AP3B1: variants seen among roughly 807,000 people sequenced by gnomAD.
The protein encoded by AP3B1 is adaptor related protein complex 3 subunit beta 1, also known as AP-3 complex subunit beta-1.
A neutral mutation model predicts 132.5 loss-of-function variants in AP3B1; 61 were observed. The observed-to-expected ratio is 0.46, with a 90% CI of 0.37 to 0.57. AP3B1 has a LOEUF of 0.57. AP3B1 is among the 20% of genes least tolerant of loss of function. AP3B1 has a pLI of 0.00. For missense variants in AP3B1, 1,120 were observed against 1,289.4 expected, an observed-to-expected ratio of 0.87 and a Z score of 2.01; for synonymous variants, 388 against 438.3, an observed-to-expected ratio of 0.89 and a Z score of 1.43.
At chr5:78,190,275 T>C (rs1744774740) in intron 7 of AP3B1, among the ~76,000 whole-genome samples, 1 of 152,196 alleles carries the variant, frequency 6.6e-6, no homozygotes, top group Non-Finnish European at 1.5e-5. Flanking sequence ...TCTACTGCCA[T>C]GAGAACATCA....
chr5:78,111,325 T>C (rs1014450104), intron 19 of AP3B1, among the ~76,000 whole-genome samples: 1 of 152,192 alleles, frequency 6.6e-6, no homozygotes, highest in Non-Finnish European at 1.5e-5. Context: ...TCAACAAATA[T>C]TTATTAATTA....
At chr5:78,129,742 G>A (rs1447622792) in intron 15 of AP3B1, among the ~76,000 whole-genome samples, 1 of 152,126 alleles carries the variant, frequency 6.6e-6, no homozygotes, top group East Asian at 1.9e-4. Context: ...CCTGAGGTGT[G>A]TTTTATGAAG....
intron 7 of AP3B1, among the ~76,000 whole-genome samples, chr5:78,191,354 C>CAAAAAAAAAAAAAA (rs34733864): frequency 1.4e-4 from 10 of 72,846 alleles, no homozygotes; most frequent in African/African-American, 5.4e-4. Flanking sequence ...TGCTTTTCCC[C>CAAAAAAAAAAAAAA]AAAAAAAAAA....
intron 22 of AP3B1, among the ~76,000 whole-genome samples, chr5:78,075,389 G>GT (rs1554063050): frequency 6.6e-6 from 1 of 152,010 alleles, no homozygotes; most frequent in Non-Finnish European, 1.5e-5. Flanking sequence ...TCTTATTATT[G>GT]TTTTAAAACC....
intron 17 of AP3B1, among the ~76,000 whole-genome samples, chr5:78,116,815 C>T (rs1164255781): frequency 6.6e-6 from 1 of 152,052 alleles, no homozygotes; most frequent in East Asian, 1.9e-4. Flanking sequence ...GCTTCTACTG[C>T]CCCTCCACCC....
At chr5:78,256,919 C>T (rs1327694851) in intron 2 of AP3B1, among the ~76,000 whole-genome samples, 1 of 151,988 alleles carries the variant, frequency 6.6e-6, no homozygotes, top group Non-Finnish European at 1.5e-5. Flanking sequence ...CAATAAAAAC[C>T]ATATGATCAT....
chr5:78,034,578 A>G (rs1003062090), intron 23 of AP3B1, 133 bp from the exon 24 acceptor site: 3 of 716,842 alleles, frequency 4.2e-6, no homozygotes, highest in South Asian at 1.6e-5. Flanking sequence ...AAAATTTCAA[A>G]CTAAGAATAT....
intron 7 of AP3B1, among the ~76,000 whole-genome samples, chr5:78,213,054 T>C (rs1299222738): frequency 2.6e-5 from 4 of 151,918 alleles, no homozygotes; most frequent in African/African-American, 9.7e-5. Context: ...ATTTTTTTTG[T>C]ATTTTTAGTA....
intron 15 of AP3B1, among the ~76,000 whole-genome samples, chr5:78,134,244 T>G (rs1026289231): frequency 6.6e-6 from 1 of 151,846 alleles, no homozygotes; most frequent in Non-Finnish European, 1.5e-5. Flanking sequence ...ATAGCTTTCT[T>G]CTAATAGATT....
intron 2 of AP3B1, among the ~76,000 whole-genome samples, chr5:78,249,095 CTG>C (rs2112532654): frequency 6.6e-6 from 1 of 152,246 alleles, no homozygotes; most frequent in African/African-American, 2.4e-5. Flanking sequence ...TGGCTCATGT[CTG>C]TAATCCCAGC....
chr5:78,090,879 C>T (rs2112205085), intron 21 of AP3B1, among the ~76,000 whole-genome samples: 1 of 151,982 alleles, frequency 6.6e-6, no homozygotes, highest in African/African-American at 2.4e-5. Flanking sequence ...CGGTGCAATC[C>T]CTTCCTGGGC....
intron 18 of AP3B1, among the ~76,000 whole-genome samples, chr5:78,115,789 T>C (rs944042007): frequency 2.0e-5 from 3 of 152,190 alleles, no homozygotes; most frequent in Non-Finnish European, 4.4e-5. Flanking sequence ...AAAGTTACTT[T>C]TAAAGACCCC....
chr5:78,040,763 T>G lies in AP3B1; in HGVS notation c.2578-1489A>C, dbSNP rs193233257. Among the ~76,000 whole-genome samples, 3 of 152,284 alleles carry G rather than the reference T, an allele frequency of 2.0e-5. No individual in the cohort carries two copies. In the East Asian group the frequency reaches 5.8e-4, roughly 29 times the overall value. On this transcript the variant is annotated intron_variant, in intron 22 of 26. Transcript: ENST00000255194. ...CTCCCAACTAGATTCTCTATTATAGTTCTGAGAGTATATATCAACCTATTA... is the reference window on the plus strand; with the variant it reads ...CTCCCAACTAGATTCTCTATTATAGGTCTGAGAGTATATATCAACCTATTA...
At chr5:78,238,953 G>A (rs1271048666) in intron 3 of AP3B1, among the ~76,000 whole-genome samples, 4 of 149,700 alleles carry the variant, frequency 2.7e-5, no homozygotes, top group Admixed American at 6.7e-5. Flanking sequence ...AAACAGACAA[G>A]CTGAAAGCAA....
chr5:78,236,694 G>GT (rs944658843), intron 3 of AP3B1, among the ~76,000 whole-genome samples: 1 of 152,102 alleles, frequency 6.6e-6, no homozygotes, highest in Non-Finnish European at 1.5e-5. Context: ...GGTCAGACAG[G>GT]TTTTTTTAAT....
intron 3 of AP3B1, among the ~76,000 whole-genome samples, chr5:78,237,354 A>G (rs1230133998): frequency 6.6e-6 from 1 of 151,814 alleles, no homozygotes; most frequent in African/African-American, 2.4e-5. Context: ...AATAGCCAGG[A>G]GTAGTGGCAC....
intron 5 of AP3B1, among the ~76,000 whole-genome samples, chr5:78,225,897 G>A (rs1396790669): frequency 6.6e-6 from 1 of 151,832 alleles, no homozygotes; most frequent in African/African-American, 2.4e-5. Flanking sequence ...TCAAGAAAGC[G>A]ACTGTAAGTA....
intron 8 of AP3B1, 65 bp downstream of exon 8, chr5:78,181,442 G>T: frequency 6.8e-7 from 1 of 1,471,372 alleles, no homozygotes; most frequent in South Asian, 1.1e-5. Flanking sequence ...TTACTAAATT[G>T]AGATATTTTT....
chr5:78,050,532 T>A (rs938138176), intron 22 of AP3B1, among the ~76,000 whole-genome samples: 1 of 150,646 alleles, frequency 6.6e-6, no homozygotes, highest in Non-Finnish European at 1.5e-5. Flanking sequence ...TGTGGTGATA[T>A]GTGGAGATCT....
Sources: gnomAD v4.1 joint callset for allele counts (sites outside exome capture counted in the v4.1 genomes callset) on GRCh38, gnomAD v4.1.1 for gene constraint, MANE v1.5 for transcripts, NCBI Gene and HGNC (gene_info 2026-07-23, HGNC 2026-07-21) for gene names.